Variants in RFX3 observed in about 807,000 individuals in gnomAD.
RFX3 encodes the protein transcription factor RFX3.
A neutral mutation model predicts 98.6 loss-of-function variants in RFX3; 14 were observed. The ratio of observed to expected loss-of-function variants is 0.14; its 90% CI spans 0.09 to 0.22. The LOEUF (loss-of-function observed/expected upper bound fraction) is 0.22. Ranked by LOEUF, RFX3 falls within the 10% of genes least tolerant of loss-of-function variation. The pLI, the probability that RFX3 is intolerant of heterozygous loss-of-function variation, is 1.00. For synonymous variants in RFX3, 383 were observed against 328.4 expected (o/e 1.17, Z -1.80); for missense variants, 639 against 926.9 (o/e 0.69, Z 4.03).
intron 1 of RFX3, among the ~76,000 whole-genome samples, chr9:3,427,367 ATAT>A (rs1226837454): frequency 7.1e-6 from 1 of 139,938 alleles, no homozygotes; most frequent in Non-Finnish European, 1.5e-5. Context: ...ATATAAATAT[ATAT>A]TGTTATTATA....
In RFX3 at chr9:3,336,838, T is replaced by G. The variant is rs560178772; in HGVS notation, c.216-6321A>C. ...AGACTAGACTAGAAAACATCAGTGCTTATTACACTTAATGAGAATAAGAAT... is the reference window on the plus strand; with the variant it reads ...AGACTAGACTAGAAAACATCAGTGCGTATTACACTTAATGAGAATAAGAAT... On this transcript the variant is annotated intron_variant, in intron 3 of 16. Coordinates refer to ENST00000617270, the MANE Select transcript of RFX3 (RefSeq NM_001282116.2). 1.7e-4 allele frequency among the ~76,000 whole-genome samples: 26 copies of G among 152,320 alleles called. No homozygotes were observed. In the South Asian group the frequency reaches 2.3e-3, roughly 13 times the overall value.
chr9:3,452,272 T>C (rs567551071), intron 1 of RFX3: 60 of 197,522 alleles, frequency 3.0e-4, no homozygotes, highest in Non-Finnish European at 5.5e-4. Context: ...TCTTAAGAAT[T>C]GATGCTCAAA....
At chr9:3,381,021 T>C (rs781498852) in intron 2 of RFX3, among the ~76,000 whole-genome samples, 66 of 152,216 alleles carry the variant, frequency 4.3e-4, no homozygotes, top group African/African-American at 1.0e-3. Context: ...TTAGATATTT[T>C]TAATACCTAA....
Position 3,505,254 on chromosome 9 carries a change from A to T in RFX3, c.-9+20493T>A, listed in dbSNP as rs1425036143. ...TGAATATATATTTATATATATATGA[A>T]TATATATTTATATATATATGAATAT... On this transcript the variant is annotated intron_variant, in intron 1 of 16. Transcript: ENST00000617270. 8.7e-4 allele frequency among the ~76,000 whole-genome samples: 63 copies of T among 72,772 alleles called. 6 individuals carry two copies. Among genetic ancestry groups the T allele is most frequent in the African/African-American group, 5.1e-3 (51 of 10,058 alleles). The allele number at this position is 72,772 out of a possible 152,430, so 47.7% of individuals were successfully genotyped here.
intron 3 of RFX3, among the ~76,000 whole-genome samples, chr9:3,337,184 G>C (rs1251572241): frequency 6.6e-6 from 1 of 152,060 alleles, no homozygotes; most frequent in Non-Finnish European, 1.5e-5. Flanking sequence ...TTGCAATCAG[G>C]GCCCATGACT....
Position 3,330,444 on chromosome 9 carries a change from G to T in RFX3, c.289C>A (p.Gln97Lys). Residue 97 changes from glutamine to lysine, a missense_variant, in exon 4 of 17, where the codon CAA becomes AAA. Physicochemically the swap from Gln to Lys is moderately conservative, Grantham distance 53. Around this residue, in one of 9 missense-constraint regions of RFX3, gnomAD observed 210 missense variants for 197.7 expected, o/e 1.06. Coordinates refer to ENST00000617270, the MANE Select transcript of RFX3 (RefSeq NM_001282116.2). The part of the protein sequence containing the change: ...QNTGGNYFDT[Q>K]GSSAQVTTVV... ...GTAGTCACCTGGGCGGAACTCCCTT[G>T]AGTATCAAAGTAATTCCCTCCAGTA... The T allele has an allele frequency of 2.5e-6, 4 of 1,614,048 alleles. No homozygotes were observed. Among genetic ancestry groups the T allele is most frequent in the Non-Finnish European group, 3.4e-6 (4 of 1,179,974 alleles).
At chr9:3,485,999 C>A (rs1305259821) in intron 1 of RFX3, among the ~76,000 whole-genome samples, 1 of 151,762 alleles carries the variant, frequency 6.6e-6, no homozygotes, top group East Asian at 1.9e-4. Context: ...TGGCGCATTG[C>A]CTGTAATCCC....
rs1850211268 is a variant in RFX3 at position 3,485,772 on chromosome 9, C to T, written c.-9+39975G>A. ...TCATAAATACATAGCAATACATTTCCAAGCAATTAGCATCAGAATTATAAT... is the reference window on the plus strand; with the variant it reads ...TCATAAATACATAGCAATACATTTCTAAGCAATTAGCATCAGAATTATAAT... On this transcript the variant is annotated intron_variant, in intron 1 of 16. Coordinates refer to ENST00000617270, the MANE Select transcript of RFX3 (RefSeq NM_001282116.2). Among the ~76,000 whole-genome samples, 3 of 152,134 alleles carry T rather than the reference C, an allele frequency of 2.0e-5. No individual in the cohort carries two copies. The South Asian group carries it at 6.2e-4, about 32-fold the overall frequency.
intron 3 of RFX3, among the ~76,000 whole-genome samples, chr9:3,333,005 T>C (rs1438757325): frequency 1.3e-5 from 2 of 152,202 alleles, no homozygotes; most frequent in Admixed American, 6.5e-5. Flanking sequence ...CAACATCCTT[T>C]GAATTCCTGA....
At chr9:3,291,843 A>T (rs770287970) in intron 6 of RFX3, among the ~76,000 whole-genome samples, 4 of 151,914 alleles carry the variant, frequency 2.6e-5, no homozygotes, top group Non-Finnish European at 5.9e-5. Flanking sequence ...CAGGTGGATC[A>T]CAAAAGAGAT....
chr9:3,320,863 A>G (rs1831215470), intron 4 of RFX3, among the ~76,000 whole-genome samples: 1 of 146,902 alleles, frequency 6.8e-6, no homozygotes, highest in Admixed American at 6.9e-5. Context: ...TAAAAGTACT[A>G]ACGTTTATTT....
intron 9 of RFX3, among the ~76,000 whole-genome samples, chr9:3,273,022 A>ATTCAT (rs1824705087): frequency 6.6e-6 from 1 of 152,218 alleles, no homozygotes; most frequent in Non-Finnish European, 1.5e-5. Flanking sequence ...CAAAAAAGAC[A>ATTCAT]TTCATATCAG....
At chr9:3,511,833 T>C (rs1313970042) in intron 1 of RFX3, among the ~76,000 whole-genome samples, 2 of 152,068 alleles carry the variant, frequency 1.3e-5, no homozygotes, top group African/African-American at 4.8e-5. Flanking sequence ...ATTCAATTAC[T>C]AAACAAAAGA....
At chr9:3,370,982 G>C (rs1258560935) in intron 2 of RFX3, among the ~76,000 whole-genome samples, 1 of 152,048 alleles carries the variant, frequency 6.6e-6, no homozygotes, top group African/African-American at 2.4e-5. Context: ...AAAGACTCTT[G>C]AAATTACTGT....
intron 1 of RFX3, among the ~76,000 whole-genome samples, chr9:3,396,535 T>C (rs902994034): frequency 1.3e-5 from 2 of 152,198 alleles, no homozygotes; most frequent in African/African-American, 2.4e-5. Context: ...GCATGACTTA[T>C]AATCCTTTGG....
intron 15 of RFX3, among the ~76,000 whole-genome samples, chr9:3,236,968 T>C (rs910985094): frequency 6.6e-6 from 1 of 152,244 alleles, no homozygotes; most frequent in Non-Finnish European, 1.5e-5. Flanking sequence ...GAACAAATGA[T>C]TATAAACTTT....
At chr9:3,505,657 A>G (rs920380728) in intron 1 of RFX3, among the ~76,000 whole-genome samples, 97 of 151,170 alleles carry the variant, frequency 6.4e-4, no homozygotes, top group African/African-American at 2.3e-3. Context: ...CCACATTTGA[A>G]GACATATTCA....
At chr9:3,249,832 T>A (rs1322581580) in intron 14 of RFX3, among the ~76,000 whole-genome samples, 1 of 152,070 alleles carries the variant, frequency 6.6e-6, no homozygotes, top group Admixed American at 6.6e-5. Context: ...GTAACTATAC[T>A]GTTACCTACA....
At chr9:3,313,221 T>C (rs547502677) in intron 4 of RFX3, among the ~76,000 whole-genome samples, 3 of 152,210 alleles carry the variant, frequency 2.0e-5, no homozygotes, top group Non-Finnish European at 2.9e-5. Context: ...TTTGCTGTTC[T>C]GCAGACTCCA....
Sources: gnomAD v4.1 joint callset for allele counts (sites outside exome capture counted in the v4.1 genomes callset) on GRCh38, gnomAD v4.1.1 for gene constraint, gnomAD v4.1.1 regional missense constraint, MANE v1.5 for transcripts, NCBI Gene and HGNC (gene_info 2026-07-23, HGNC 2026-07-21) for gene names.